BARD1: variants seen among roughly 807,000 people sequenced by gnomAD.
The protein encoded by BARD1 is BRCA1-associated RING domain protein 1.
Under a neutral mutation model 77.0 loss-of-function variants are expected in BARD1, and 73 were observed. That is an observed-to-expected ratio of 0.95 (90% confidence interval 0.79 to 1.15). BARD1 has a LOEUF of 1.15. BARD1 is among the 50% of genes most tolerant of loss of function. BARD1 has a pLI of 0.00. For synonymous variants in BARD1, 384 were observed against 338.0 expected (o/e 1.14, Z -1.49); for missense variants, 993 against 938.8 (o/e 1.06, Z -0.75).
intron 9 of BARD1, among the ~76,000 whole-genome samples, chr2:214,732,913 C>T (rs1055675023): frequency 2.6e-5 from 4 of 152,026 alleles, no homozygotes; most frequent in Admixed American, 1.3e-4. Flanking sequence ...AGCGACAGAA[C>T]TGAAAAAACT....
intron 1 of BARD1, among the ~76,000 whole-genome samples, chr2:214,797,477 A>G (rs1032471621): frequency 2.6e-5 from 4 of 152,222 alleles, no homozygotes; most frequent in Non-Finnish European, 5.9e-5. Flanking sequence ...CTTATGATTC[A>G]AAGTGTAGAC....
chr2:214,734,304 C>T (rs1003512731), intron 9 of BARD1, among the ~76,000 whole-genome samples: 4 of 151,692 alleles, frequency 2.6e-5, no homozygotes, highest in Non-Finnish European at 5.9e-5. Flanking sequence ...TAAACAAATA[C>T]GAAATCACAA....
chr2:214,766,094 G>C (rs1295567385), intron 6 of BARD1, among the ~76,000 whole-genome samples: 2 of 152,076 alleles, frequency 1.3e-5, no homozygotes, highest in Non-Finnish European at 2.9e-5. Context: ...TTAATTAACT[G>C]AAAAGAATAA....
At chr2:214,792,085 G>C (rs954323282) in intron 3 of BARD1, among the ~76,000 whole-genome samples, 2 of 151,538 alleles carry the variant, frequency 1.3e-5, no homozygotes, top group African/African-American at 4.9e-5. Flanking sequence ...CTGAGGTGGG[G>C]GGAATCCCTT....
chr2:214,729,861 T>C (rs1692270983), intron 10 of BARD1, among the ~76,000 whole-genome samples: 1 of 152,128 alleles, frequency 6.6e-6, no homozygotes. Context: ...GCAGCCACCA[T>C]GGGGGTGTGC....
At chr2:214,803,444 T>C (rs1219150526) in intron 1 of BARD1, among the ~76,000 whole-genome samples, 1 of 152,316 alleles carries the variant, frequency 6.6e-6, no homozygotes, top group East Asian at 1.9e-4. Context: ...TTCCATCTAC[T>C]GAGATAGGGA....
intron 3 of BARD1, among the ~76,000 whole-genome samples, chr2:214,785,308 C>T (rs915933536): frequency 3.3e-5 from 5 of 151,946 alleles, no homozygotes; most frequent in Admixed American, 6.6e-5. Context: ...CTGATTTTGA[C>T]GATCAACTAC....
At position 214,727,537 on chromosome 2, in the gene BARD1, A is replaced by C; in HGVS notation, c.*1139T>G. The C allele has an allele frequency of 4.3e-6, 1 of 232,238 alleles. No homozygotes were observed. The highest frequency in any genetic ancestry group is 8.5e-6 in the Non-Finnish European group (1 of 117,362). 14.4% of individuals were successfully genotyped at this position (232,238 alleles called of 1,614,324 possible). On this transcript the variant is annotated 3_prime_UTR_variant, in exon 11 of 11. Coordinates refer to ENST00000260947, the MANE Select transcript of BARD1 (RefSeq NM_000465.4). Reference sequence around the variant, plus strand: ...ATGTATCCTTGTCGATTCATGAATGAGAGCACCCAGAGCAGAGTAACCTCC... The same window carrying C: ...ATGTATCCTTGTCGATTCATGAATGCGAGCACCCAGAGCAGAGTAACCTCC...
At chr2:214,788,708 T>G (rs2106126732) in intron 3 of BARD1, among the ~76,000 whole-genome samples, 1 of 152,210 alleles carries the variant, frequency 6.6e-6, no homozygotes, top group East Asian at 1.9e-4. Context: ...AGAGACAGCT[T>G]AGGAATCACT....
intron 4 of BARD1, among the ~76,000 whole-genome samples, chr2:214,776,828 G>A (rs895782113): frequency 2.6e-5 from 4 of 152,114 alleles, no homozygotes; most frequent in African/African-American, 2.4e-5. Flanking sequence ...CAATTTAATC[G>A]TATGAATTCT....
At chr2:214,755,445 G>C (rs571443038) in intron 6 of BARD1, among the ~76,000 whole-genome samples, 37 of 152,214 alleles carry the variant, frequency 2.4e-4, no homozygotes, top group African/African-American at 8.4e-4. Flanking sequence ...GTTTTGGAGG[G>C]ACACATAAGA....
intron 1 of BARD1, among the ~76,000 whole-genome samples, chr2:214,806,403 C>T (rs1410913959): frequency 1.3e-5 from 2 of 152,114 alleles, no homozygotes; most frequent in Non-Finnish European, 2.9e-5. Flanking sequence ...AAGAAGCAGA[C>T]CATTCTGAGT....
intron 6 of BARD1, 116 bp downstream of exon 6, chr2:214,767,366 A>T: frequency 2.1e-6 from 2 of 971,826 alleles, no homozygotes; most frequent in Non-Finnish European, 3.2e-6. Context: ...ATCTAATTTT[A>T]GTTGTGAAAG....
rs778795932 is a variant in BARD1, at chr2:214,728,647, CA to C, written c.*28del. ...TGGGCTCTCACAAACCGTGCAAATT[CA>C]ATTTGAAATGTTCATCTGGTATAAT... On this transcript the variant is annotated 3_prime_UTR_variant, in exon 11 of 11. Transcript: ENST00000260947. 38 of 1,610,546 alleles carry C rather than the reference CA, an allele frequency of 2.4e-5. No individual in the cohort carries two copies. The South Asian group carries it at 3.6e-4, about 15-fold the overall frequency.
chr2:214,746,571 T>A (rs1693126663), intron 7 of BARD1, among the ~76,000 whole-genome samples: 1 of 149,370 alleles, frequency 6.7e-6, no homozygotes, highest in African/African-American at 2.5e-5. Context: ...AGTGAAAGAC[T>A]CCAGGAAACA....
chr2:214,744,779 C>T (rs1008651801), intron 9 of BARD1, among the ~76,000 whole-genome samples: 17 of 152,146 alleles, frequency 1.1e-4, no homozygotes, highest in African/African-American at 4.1e-4. Context: ...TACAGGCGCC[C>T]GCCACCACGC....
At chr2:214,737,030 A>G (rs1272184234) in intron 9 of BARD1, among the ~76,000 whole-genome samples, 1 of 152,118 alleles carries the variant, frequency 6.6e-6, no homozygotes, top group Admixed American at 6.6e-5. Flanking sequence ...AAGGGTGGCA[A>G]AGTGTTTTGT....
intron 2 of BARD1, among the ~76,000 whole-genome samples, chr2:214,792,855 G>A (rs1695594226): frequency 6.6e-6 from 1 of 152,144 alleles, no homozygotes; most frequent in Non-Finnish European, 1.5e-5. Context: ...TTTGGGACTA[G>A]TATCTCAAGG....
chr2:214,809,679 C>A lies in BARD1; in HGVS notation c.-110G>T. The A allele has an allele frequency of 7.0e-7, 1 of 1,420,156 alleles. No homozygotes were observed. 88.0% of individuals were successfully genotyped at this position (1,420,156 alleles called of 1,614,324 possible). ...CTCGAAACCGGCCAAGCTCTTCCCG[C>A]GTCTGGGACGGCGGGCCGCCAGAGG... On this transcript the variant is annotated 5_prime_UTR_variant, in exon 1 of 11. Transcript: ENST00000260947.
Sources: allele counts gnomAD v4.1 joint callset (sites outside exome capture counted in the v4.1 genomes callset), GRCh38; gene constraint gnomAD v4.1.1; transcripts MANE v1.5; gene names NCBI Gene and HGNC (gene_info 2026-07-23, HGNC 2026-07-21).